The following SYTL5 variants were observed in gnomAD, a reference collection of about 807,000 sequenced individuals.
SYTL5 encodes synaptotagmin like 5.
In SYTL5, 34 loss-of-function variants were observed where a neutral mutation model predicts 55.9. The ratio of observed to expected loss-of-function variants is 0.61; its 90% CI spans 0.46 to 0.81. SYTL5 has a LOEUF of 0.81. Among genes scored for constraint, SYTL5 ranks in the 30% least tolerant of loss-of-function variants. The pLI is 0.00. For synonymous variants in SYTL5, 221 were observed against 188.7 expected, an observed-to-expected ratio of 1.17 and a Z score of -1.40; for missense variants, 637 against 546.7, an observed-to-expected ratio of 1.17 and a Z score of -1.65.
the SYTL5 span, among the ~76,000 whole-genome samples, chrX:37,999,181 C>G: frequency 3.6e-5 from 4 of 112,330 alleles, no homozygotes; most frequent in Non-Finnish European, 3.8e-5. Flanking sequence ...TATTCAATTC[C>G]TGTACCTGTT....
At chrX:37,930,406 G>A in the SYTL5 span, among the ~76,000 whole-genome samples, 1 of 111,573 alleles carries the variant, frequency 9.0e-6, no homozygotes, top group African/African-American at 3.3e-5. Context: ...TATCTCTGAA[G>A]AGAGAAAAAG....
upstream of SYTL5, among the ~76,000 whole-genome samples, chrX:38,001,811 C>T (rs756981854): frequency 9.0e-6 from 1 of 110,796 alleles, no homozygotes; most frequent in East Asian, 2.8e-4. Context: ...AGTTATATAC[C>T]GAGCAGTGGG....
intron 6 of SYTL5, among the ~76,000 whole-genome samples, chrX:38,079,263 G>A (rs1936467972): frequency 9.0e-6 from 1 of 111,463 alleles, no homozygotes; most frequent in African/African-American, 3.3e-5. Context: ...GAGCAGCTGG[G>A]CTTCGGCATT....
chrX:38,017,146 C>A (rs777825473), intron 1 of SYTL5, among the ~76,000 whole-genome samples: 1 of 111,743 alleles, frequency 8.9e-6, no homozygotes, highest in African/African-American at 3.3e-5. Flanking sequence ...CTTCTTCCAA[C>A]CAATGCCCAT....
intron 2 of SYTL5, among the ~76,000 whole-genome samples, chrX:38,040,614 A>G (rs1451917170): frequency 9.0e-6 from 1 of 111,482 alleles, no homozygotes; most frequent in Non-Finnish European, 1.9e-5. Flanking sequence ...TTCACTTAAC[A>G]TAGTGATCTC....
chrX:37,978,882 GAGA>G, the SYTL5 span, among the ~76,000 whole-genome samples: 6 of 111,480 alleles, frequency 5.4e-5, no homozygotes, highest in Non-Finnish European at 3.8e-5. Flanking sequence ...GGAGGTTCAG[GAGA>G]AGAAGGAAGG....
chrX:37,997,554 T>A, the SYTL5 span, among the ~76,000 whole-genome samples: 1 of 112,702 alleles, frequency 8.9e-6, no homozygotes, highest in Non-Finnish European at 1.9e-5. Flanking sequence ...GTGCACATGC[T>A]TGGGGCAGTG....
intron 10 of SYTL5, chrX:38,103,105 C>T: frequency 5.3e-6 from 6 of 1,129,292 alleles, no homozygotes; most frequent in Non-Finnish European, 7.1e-6. Context: ...AGTTTTCAAC[C>T]TTTCCTTTTT....
chrX:38,014,663 G>A (rs756537749), intron 1 of SYTL5, among the ~76,000 whole-genome samples: 7 of 111,536 alleles, frequency 6.3e-5, no homozygotes, highest in Non-Finnish European at 1.3e-4. Flanking sequence ...AAGAAAGGCG[G>A]GACAACTCTA....
At chrX:37,994,802 A>G in the SYTL5 span, 1 of 110,523 alleles carries the variant, frequency 9.0e-6, no homozygotes, top group Non-Finnish European at 1.9e-5. Context: ...TTTCGGAGCC[A>G]TGCGGGACTT....
chrX:37,971,830 G>A, the SYTL5 span, among the ~76,000 whole-genome samples: 1 of 107,851 alleles, frequency 9.3e-6, no homozygotes, highest in Non-Finnish European at 1.9e-5. Context: ...CTTAAAGGAG[G>A]AACTGAGCTG....
chrX:38,007,460 A>T (rs185646605), intron 1 of SYTL5, among the ~76,000 whole-genome samples: 2 of 111,616 alleles, frequency 1.8e-5, no homozygotes, highest in East Asian at 5.6e-4. Context: ...TGCTCCAAGT[A>T]TATGTGTATG....
At chrX:37,955,675 G>T in the SYTL5 span, among the ~76,000 whole-genome samples, 1 of 111,896 alleles carries the variant, frequency 8.9e-6, no homozygotes, top group Admixed American at 9.5e-5. Context: ...AAAGTTCTAG[G>T]TTTTAAGTAA....
chrX:37,997,954 G>A, the SYTL5 span, among the ~76,000 whole-genome samples: 1 of 112,306 alleles, frequency 8.9e-6, no homozygotes, highest in Non-Finnish European at 1.9e-5. Context: ...ACCACCAGCT[G>A]CAGAGAGGAG....
chrX:38,080,681 G>T (rs1366766759), intron 6 of SYTL5, among the ~76,000 whole-genome samples: 1 of 112,015 alleles, frequency 8.9e-6, no homozygotes, highest in African/African-American at 3.2e-5. Context: ...TGAATTTAAA[G>T]AATCATCCAT....
chrX:38,046,909 G>A (rs143262357), intron 2 of SYTL5, among the ~76,000 whole-genome samples: 6,164 of 111,684 alleles, frequency 0.055, 154 homozygotes, highest in Middle Eastern at 0.11. Flanking sequence ...AAATCCAGGG[G>A]GGCAGTCAAA....
rs1362602537 is a variant in SYTL5, at chrX:38,054,414, C to T, written c.321C>T (p.Asp107=). The T allele has an allele frequency of 5.0e-6, 6 of 1,206,337 alleles. No individual in the cohort carries two copies. Among genetic ancestry groups the T allele is most frequent in the African/African-American group, 1.8e-5 (1 of 56,884 alleles). ...PNGSWKCTVC[D]KIAQLRIITG... Reference sequence around the variant, plus strand: ...GCAGCTGGAAGTGCACTGTCTGTGACAAAATCGCGTGAGTTTCTTGATTTT... The same window carrying T: ...GCAGCTGGAAGTGCACTGTCTGTGATAAAATCGCGTGAGTTTCTTGATTTT... Residue 107 remains aspartate (D), a synonymous_variant, in exon 3 of 17, where the codon GAC becomes GAT. Coordinates refer to ENST00000297875, the MANE Select transcript of SYTL5 (RefSeq NM_138780.3).
At chrX:38,023,644 T>C (rs1275031126) in intron 1 of SYTL5, among the ~76,000 whole-genome samples, 2 of 112,025 alleles carry the variant, frequency 1.8e-5, no homozygotes, top group Non-Finnish European at 3.8e-5. Flanking sequence ...ATATTTATTT[T>C]AAATGCCTCA....
the SYTL5 span, among the ~76,000 whole-genome samples, chrX:37,955,096 T>C: frequency 9.0e-6 from 1 of 111,045 alleles, no homozygotes; most frequent in Non-Finnish European, 1.9e-5. Flanking sequence ...AGTTTTCTCA[T>C]ATCTGTAAAA....
Sources: gnomAD v4.1 joint callset for allele counts (sites outside exome capture counted in the v4.1 genomes callset) on GRCh38, gnomAD v4.1.1 for gene constraint, MANE v1.5 for transcripts, NCBI Gene and HGNC (gene_info 2026-07-23, HGNC 2026-07-21) for gene names.